Variants in PCDH11Y observed in about 807,000 individuals in gnomAD.
PCDH11Y encodes protocadherin 11 Y-linked.
For synonymous variants in PCDH11Y, 9 were observed against 83.6 expected (o/e 0.11, Z 4.87); for missense variants, 12 against 224.8 (o/e 0.05, Z 6.05).
At chrY:5,064,598 A>T in intron 1 of PCDH11Y, among the ~76,000 whole-genome samples, 1 of 28,240 alleles carries the variant, frequency 3.5e-5, no homozygotes, top group Non-Finnish European at 8.1e-5. Flanking sequence ...AACAGGCATT[A>T]TCAGGATTAT....
chrY:5,009,424 T>A (rs2052544652), intron 1 of PCDH11Y, among the ~76,000 whole-genome samples: 1 of 33,926 alleles, frequency 2.9e-5, no homozygotes, highest in Non-Finnish European at 7.3e-5. Context: ...TTTATTTTTT[T>A]AAAAAAATGA....
chrY:5,740,008 A>G, exon 5 of PCDH11Y: 1 of 32,943 alleles, frequency 3.0e-5, no homozygotes, highest in Non-Finnish European at 7.5e-5. Context: ...CAGTGCTTCC[A>G]GTAGATTTTA....
At chrY:5,567,359 G>A (rs2053436298) in intron 3 of PCDH11Y, among the ~76,000 whole-genome samples, 1 of 31,488 alleles carries the variant, frequency 3.2e-5, no homozygotes, top group Non-Finnish European at 7.7e-5. Context: ...CTTGCTTTGT[G>A]TGCATATAAA....
chrY:5,039,307 G>A, intron 3 of PCDH11Y, among the ~76,000 whole-genome samples: 3 of 32,936 alleles, frequency 9.1e-5, no homozygotes, highest in Non-Finnish European at 2.2e-4. Context: ...ATCATGAAGA[G>A]CAATGGTCTT....
At chrY:5,697,070 A>G in intron 4 of PCDH11Y, among the ~76,000 whole-genome samples, 1 of 33,352 alleles carries the variant, frequency 3.0e-5, no homozygotes, top group African/African-American at 1.2e-4. Context: ...CAAAGAATGT[A>G]TATTCTGTTG....
At chrY:5,693,126 C>T in intron 4 of PCDH11Y, among the ~76,000 whole-genome samples, 3 of 32,521 alleles carry the variant, frequency 9.2e-5, no homozygotes, top group Admixed American at 2.8e-4. Flanking sequence ...AGGTATGATT[C>T]GTGTGCCTCA....
At chrY:5,402,696 G>A (rs2053234976) in intron 2 of PCDH11Y, among the ~76,000 whole-genome samples, 3 of 17,970 alleles carry the variant, frequency 1.7e-4, no homozygotes, top group Admixed American at 1.4e-3. Context: ...TTGCTCTGTC[G>A]CCCAGGCTGG....
At chrY:5,274,555 G>A in intron 2 of PCDH11Y, among the ~76,000 whole-genome samples, 1 of 33,775 alleles carries the variant, frequency 3.0e-5, no homozygotes, top group African/African-American at 1.2e-4. Context: ...ACGTTGGGCA[G>A]GCTGGTCTCG....
At chrY:5,462,020 A>C in intron 2 of PCDH11Y, among the ~76,000 whole-genome samples, 4 of 33,406 alleles carry the variant, frequency 1.2e-4, no homozygotes, top group Non-Finnish European at 3.0e-4. Flanking sequence ...CTTTGAAGAC[A>C]AATATCATTT....
At position 5,512,323 on chromosome Y, in the gene PCDH11Y, A is replaced by G. The variant is rs2053366404; in HGVS notation, c.3328+11068A>G. 2.5e-4 allele frequency among the ~76,000 whole-genome samples: 8 copies of G among 31,444 alleles called. No individual in the cohort carries two copies. In the East Asian group the frequency reaches 6.8e-3, roughly 27 times the overall value. The allele number at this position is 31,444 out of a possible 37,273, so 84.4% of individuals were successfully genotyped here. ...GAAACCCCGTCTCTACTAAAAATATAAAAAATTAGCCGGGCCTAGTGGCAG... is the reference window on the plus strand; with the variant it reads ...GAAACCCCGTCTCTACTAAAAATATGAAAAATTAGCCGGGCCTAGTGGCAG... On this transcript the variant is annotated intron_variant, in intron 3 of 4. Coordinates refer to the PCDH11Y transcript ENST00000400457.
At chrY:5,612,867 C>CT (rs1324830477) in intron 4 of PCDH11Y, among the ~76,000 whole-genome samples, 40 of 24,424 alleles carry the variant, frequency 1.6e-3, no homozygotes, top group East Asian at 0.015. Context: ...GCCCCCTTAA[C>CT]TTTTTTTTTT....
downstream of PCDH11Y, among the ~76,000 whole-genome samples, chrY:5,108,185 C>G (rs2052796646): frequency 3.1e-5 from 1 of 32,275 alleles, no homozygotes; most frequent in Non-Finnish European, 7.6e-5. Flanking sequence ...TACTTTCTCC[C>G]CTGCAAGCAC....
At chrY:5,219,313 G>A in intron 2 of PCDH11Y, among the ~76,000 whole-genome samples, 1 of 32,367 alleles carries the variant, frequency 3.1e-5, no homozygotes, top group Non-Finnish European at 7.6e-5. Context: ...ATGGCTGTAC[G>A]AATTTACATC....
At chrY:5,588,332 T>C (rs2124698120) in intron 4 of PCDH11Y, among the ~76,000 whole-genome samples, 1 of 33,167 alleles carries the variant, frequency 3.0e-5, no homozygotes, top group African/African-American at 1.2e-4. Flanking sequence ...GGTTCCTGTT[T>C]TAATATTTCT....
chrY:5,501,581 A>G, intron 3 of PCDH11Y, among the ~76,000 whole-genome samples: 1 of 33,182 alleles, frequency 3.0e-5, no homozygotes, highest in African/African-American at 1.2e-4. Context: ...TTGTGAAGGT[A>G]TAAATTTTTT....
At chrY:5,671,984 A>G in intron 4 of PCDH11Y, among the ~76,000 whole-genome samples, 2 of 32,923 alleles carry the variant, frequency 6.1e-5, no homozygotes, top group Non-Finnish European at 1.5e-4. Context: ...ATTTTTTCAT[A>G]TACTTTCAGC....
chrY:5,213,955 C>T, intron 2 of PCDH11Y, among the ~76,000 whole-genome samples: 1 of 31,892 alleles, frequency 3.1e-5, no homozygotes, highest in African/African-American at 1.2e-4. Context: ...CCGCCTCTGA[C>T]AAAAATATAA....
At chrY:5,735,487 A>G (rs2053608485) in intron 4 of PCDH11Y, among the ~76,000 whole-genome samples, 1 of 29,756 alleles carries the variant, frequency 3.4e-5, no homozygotes, top group African/African-American at 1.3e-4. Context: ...CACTTGTTGA[A>G]AAGTCTATAC....
chrY:5,073,884 A>T, intron 1 of PCDH11Y, among the ~76,000 whole-genome samples: 1 of 31,569 alleles, frequency 3.2e-5, no homozygotes, highest in Non-Finnish European at 7.6e-5. Context: ...CACAAATGTT[A>T]TTAGTTTCTA....
Sources: allele counts gnomAD v4.1 joint callset (sites outside exome capture counted in the v4.1 genomes callset), GRCh38; gene constraint gnomAD v4.1.1; transcripts MANE v1.5; gene names NCBI Gene and HGNC (gene_info 2026-07-23, HGNC 2026-07-21).